Variants in UTS2 observed in about 807,000 individuals in gnomAD.
UTS2 encodes the protein urotensin-2.
A neutral mutation model predicts 12.6 loss-of-function variants in UTS2; 10 were observed. The observed-to-expected ratio is 0.80, with a 90% CI of 0.49 to 1.35. The LOEUF (loss-of-function observed/expected upper bound fraction) is 1.35, where lower values mean the gene tolerates loss of function less well. Among genes scored for constraint, UTS2 ranks in the 40% most tolerant of loss-of-function variants. UTS2 has a pLI of 0.00. For synonymous variants in UTS2, 52 were observed against 50.0 expected (o/e 1.04, Z -0.17); for missense variants, 142 against 143.2 (o/e 0.99, Z 0.04).
the UTS2 span, among the ~76,000 whole-genome samples, chr1:7,889,917 A>G: frequency 1.3e-5 from 2 of 152,040 alleles, no homozygotes; most frequent in Non-Finnish European, 2.9e-5. Flanking sequence ...AATACAAAAA[A>G]TTAGCTGGAC....
chr1:7,858,514 A>G, the UTS2 span, among the ~76,000 whole-genome samples: 1 of 152,208 alleles, frequency 6.6e-6, no homozygotes, highest in African/African-American at 2.4e-5. Context: ...TAGTTTTGAA[A>G]TTAATCTAAA....
chr1:7,880,197 G>A, the UTS2 span, among the ~76,000 whole-genome samples: 1 of 151,820 alleles, frequency 6.6e-6, no homozygotes, highest in African/African-American at 2.4e-5. Context: ...GGTCAAGGTT[G>A]CAGTGAGCTG....
upstream of UTS2, among the ~76,000 whole-genome samples, chr1:7,853,718 C>T (rs779408459): frequency 4.1e-4 from 62 of 152,194 alleles, no homozygotes; most frequent in Non-Finnish European, 8.5e-4. Flanking sequence ...CCAGAAAACT[C>T]GCTGATAAAC....
intron 1 of UTS2, among the ~76,000 whole-genome samples, chr1:7,852,376 G>A (rs947584711): frequency 1.3e-5 from 2 of 152,002 alleles, no homozygotes; most frequent in Non-Finnish European, 2.9e-5. Flanking sequence ...AAAAGGAAAC[G>A]ATCAATATAC....
the UTS2 span, among the ~76,000 whole-genome samples, chr1:7,868,858 G>A: frequency 2.0e-5 from 3 of 152,118 alleles, no homozygotes; most frequent in African/African-American, 4.8e-5. Flanking sequence ...ATGAGGGTGA[G>A]ACCCCCATGA....
chr1:7,854,644 A>G (rs1638266643), upstream of UTS2, among the ~76,000 whole-genome samples: 2 of 152,116 alleles, frequency 1.3e-5, no homozygotes, highest in South Asian at 4.2e-4. Context: ...ATCACACAGG[A>G]AAAAAATTGA....
chr1:7,901,913 T>C, the UTS2 span, among the ~76,000 whole-genome samples: 6 of 152,118 alleles, frequency 3.9e-5, no homozygotes, highest in African/African-American at 1.4e-4. Flanking sequence ...CAAACTCCAA[T>C]GTCCTAAGCC....
chr1:7,855,363 C>T (rs1438523397), upstream of UTS2, among the ~76,000 whole-genome samples: 2 of 151,988 alleles, frequency 1.3e-5, no homozygotes, highest in Admixed American at 1.3e-4. Context: ...GCGGGCAGAT[C>T]ACCTGAGGTC....
chr1:7,852,425 T>C (rs180814284), intron 1 of UTS2, among the ~76,000 whole-genome samples: 161 of 152,294 alleles, frequency 1.1e-3, no homozygotes, highest in African/African-American at 3.6e-3. Flanking sequence ...TAGTTTGTCA[T>C]TTACTAAAAA....
chr1:7,857,013 A>AT (rs1638325094), upstream of UTS2, among the ~76,000 whole-genome samples: 1 of 151,938 alleles, frequency 6.6e-6, no homozygotes, highest in Non-Finnish European at 1.5e-5. Flanking sequence ...GTGAGCCGAG[A>AT]TCGTGCCATT....
the UTS2 span, among the ~76,000 whole-genome samples, chr1:7,894,857 G>A: frequency 6.6e-6 from 1 of 151,946 alleles, no homozygotes; most frequent in Non-Finnish European, 1.5e-5. Context: ...CACAAGTCCA[G>A]GAGTTCTAGG....
At chr1:7,902,847 A>G in the UTS2 span, among the ~76,000 whole-genome samples, 1 of 152,160 alleles carries the variant, frequency 6.6e-6, no homozygotes, top group Admixed American at 6.5e-5. Context: ...TCCCTGAAGA[A>G]GAGGCCTAAA....
At chr1:7,890,066 CAA>C in the UTS2 span, among the ~76,000 whole-genome samples, 1 of 123,642 alleles carries the variant, frequency 8.1e-6, no homozygotes. Context: ...GACTCCATCT[CAA>C]AAAAAAAAGA....
upstream of UTS2, chr1:7,853,311 A>G (rs2097416077): frequency 1.9e-6 from 3 of 1,614,096 alleles, no homozygotes; most frequent in Admixed American, 1.7e-5. Flanking sequence ...ACTTACAGCA[A>G]TAAATCATGA....
At chr1:7,909,615 C>T in the UTS2 span, among the ~76,000 whole-genome samples, 1 of 149,876 alleles carries the variant, frequency 6.7e-6, no homozygotes, top group East Asian at 2.0e-4. Context: ...AGTTCTTAAA[C>T]AGCACTATTT....
the UTS2 span, among the ~76,000 whole-genome samples, chr1:7,890,124 T>TAAA: frequency 0.014 from 1,848 of 135,522 alleles, 43 homozygotes; most frequent in African/African-American, 0.047. Flanking sequence ...AGCCTCCATC[T>TAAA]AAAAAAAAAA....
chr1:7,901,686 C>G, the UTS2 span, among the ~76,000 whole-genome samples: 1 of 151,640 alleles, frequency 6.6e-6, no homozygotes, highest in Non-Finnish European at 1.5e-5. Flanking sequence ...AAGGTAGGTG[C>G]TATTGTCTTC....
At chr1:7,860,044 G>C in the UTS2 span, among the ~76,000 whole-genome samples, 1 of 151,944 alleles carries the variant, frequency 6.6e-6, no homozygotes, top group Non-Finnish European at 1.5e-5. Flanking sequence ...AGACGACAAG[G>C]GTGTTTGTTG....
At chr1:7,899,073 G>A in the UTS2 span, among the ~76,000 whole-genome samples, 1 of 152,142 alleles carries the variant, frequency 6.6e-6, no homozygotes, top group Non-Finnish European at 1.5e-5. Flanking sequence ...GGCCAAAACA[G>A]GAGGAAGAGA....
Sources: gnomAD v4.1 joint callset for allele counts (sites outside exome capture counted in the v4.1 genomes callset) on GRCh38, gnomAD v4.1.1 for gene constraint, MANE v1.5 for transcripts, NCBI Gene and HGNC (gene_info 2026-07-23, HGNC 2026-07-21) for gene names.